FNBP1L: variants seen among roughly 807,000 people sequenced by gnomAD.
FNBP1L encodes formin binding protein 1 like, also known as formin-binding protein 1-like.
In FNBP1L, 36 loss-of-function variants were observed where a neutral mutation model predicts 91.2. That is an observed-to-expected ratio of 0.39 (90% CI 0.30 to 0.52). The LOEUF (loss-of-function observed/expected upper bound fraction) is 0.52. Ranked by LOEUF, FNBP1L falls within the 20% of genes least tolerant of loss-of-function variation. The probability of loss-of-function intolerance (pLI) is 0.66; values close to 1 mark genes in which losing one functional copy is unlikely to be tolerated. For missense variants in FNBP1L, 571 were observed against 732.1 expected (o/e 0.78, Z 2.54); for synonymous variants, 242 against 237.0 (o/e 1.02, Z -0.19).
At chr1:93,468,462 G>C (rs1242865103) in intron 1 of FNBP1L, among the ~76,000 whole-genome samples, 1 of 152,050 alleles carries the variant, frequency 6.6e-6, no homozygotes, top group Non-Finnish European at 1.5e-5. Context: ...ACAGGGTCTC[G>C]CTCTGTCATC....
rs72721015 is a variant in FNBP1L, at chr1:93,475,648, T to G, written c.25-23820T>G. Among the ~76,000 whole-genome samples, 1,476 of 152,278 alleles carry G rather than the reference T, an allele frequency of 9.7e-3. 26 individuals are homozygous for G. Among genetic ancestry groups the G allele is most frequent in the Non-Finnish European group, 0.011 (772 of 68,034 alleles). On this transcript the variant is annotated intron_variant, in intron 1 of 16. Coordinates refer to ENST00000271234, the MANE Select transcript of FNBP1L (RefSeq NM_001164473.3). ...GCCAATCATCACATTTCATGAAATA[T>G]TTTGCATAAGTGTAAATGTTAGATA...
rs1361772516 is a variant in FNBP1L, at chr1:93,524,242, C to A, written c.343-19C>A. The A allele has an allele frequency of 1.4e-6, 2 of 1,434,310 alleles. No homozygotes were observed. The highest frequency in any genetic ancestry group is 3.0e-5 in the Admixed American group (1 of 33,248). 88.8% of individuals were successfully genotyped at this position (1,434,310 alleles called of 1,614,324 possible). On this transcript the variant is annotated intron_variant, in intron 4 of 16. Coordinates refer to ENST00000271234, the MANE Select transcript of FNBP1L (RefSeq NM_001164473.3). ...TATTTTTTATTTTTATTTTTTTTGG[C>A]CGTGGTTATAATCTTCAGCATCTGC... is the stretch of plus-strand genomic sequence containing the variant.
intron 5 of FNBP1L, among the ~76,000 whole-genome samples, chr1:93,528,177 A>C (rs1353852753): frequency 6.6e-6 from 1 of 152,114 alleles, no homozygotes; most frequent in Non-Finnish European, 1.5e-5. Context: ...TAACTCAAGA[A>C]AGTTTTCCCA....
Position 93,552,470 on chromosome 1 carries a change from T to G in FNBP1L, c.*54T>G. The G allele has an allele frequency of 1.2e-6, 2 of 1,604,976 alleles. No individual in the cohort carries two copies. The highest frequency in any genetic ancestry group is 1.7e-6 in the Non-Finnish European group (2 of 1,174,328). Reference sequence around the variant, plus strand: ...GTTGAAGGAGGTTACATGCAGCTGCTTTTGGGGGAGGGTATTAGAGTTGTC... The same window carrying G: ...GTTGAAGGAGGTTACATGCAGCTGCGTTTGGGGGAGGGTATTAGAGTTGTC... On this transcript the variant is annotated 3_prime_UTR_variant, in exon 17 of 17. Transcript: ENST00000271234.
At position 93,504,069 on chromosome 1, in the gene FNBP1L, G is replaced by C. The variant is rs1352266067; in HGVS notation, c.140+4486G>C. 3.3e-5 allele frequency among the ~76,000 whole-genome samples: 5 copies of C among 152,154 alleles called. No individual in the cohort carries two copies. The East Asian group carries it at 9.6e-4, about 29-fold the overall frequency. ...ACATCTCTGAATTCCTTTGATCAGA[G>C]ATTATATTATGTGCATTTCTCTACC... On this transcript the variant is annotated intron_variant, in intron 2 of 16. Transcript: ENST00000271234.
Position 93,544,026 on chromosome 1 carries a change from ATTC to A in FNBP1L, c.1165-78_1165-76del, listed in dbSNP as rs569773643. 7.5e-4 allele frequency: 735 copies of A among 985,926 alleles called. 8 individuals are homozygous for A. In the African/African-American group the frequency reaches 0.012, roughly 16 times the overall value. 61.1% of individuals were successfully genotyped at this position (985,926 alleles called of 1,614,324 possible). A position where few individuals can be genotyped will look rare whatever the true frequency, so the allele number is the denominator to read the frequency against. On this transcript the variant is annotated intron_variant, in intron 11 of 16. Transcript: ENST00000271234. ...GAAATTAAACTTAAGATTGGTATGTATTCTTATTTTATAGCAGGTATATTTTAA... is the reference window on the plus strand; with the variant it reads ...GAAATTAAACTTAAGATTGGTATGTATTATTTTATAGCAGGTATATTTTAA...
intron 1 of FNBP1L, among the ~76,000 whole-genome samples, chr1:93,496,317 C>T (rs926055998): frequency 1.3e-5 from 2 of 151,314 alleles, no homozygotes; most frequent in Admixed American, 6.6e-5. Context: ...TGCAGTGACA[C>T]AGTCACAGCT....
At chr1:93,470,015 T>C (rs1481826406) in intron 1 of FNBP1L, among the ~76,000 whole-genome samples, 1 of 152,130 alleles carries the variant, frequency 6.6e-6, no homozygotes, top group Non-Finnish European at 1.5e-5. Context: ...AAGTACCATA[T>C]TTGTCCTTGA....
At chr1:93,499,706 G>T (rs1022384448) in intron 2 of FNBP1L, 123 bp downstream of exon 2, 1 of 624,308 alleles carries the variant, frequency 1.6e-6, no homozygotes, top group African/African-American at 1.9e-5. Flanking sequence ...ATTGAATTAG[G>T]TAACCGGTTT....
intron 1 of FNBP1L, among the ~76,000 whole-genome samples, chr1:93,474,728 G>C (rs1443448640): frequency 6.6e-6 from 1 of 152,196 alleles, no homozygotes; most frequent in Non-Finnish European, 1.5e-5. Flanking sequence ...GAGGTTCAGG[G>C]AAAGAATGAT....
intron 2 of FNBP1L, among the ~76,000 whole-genome samples, chr1:93,505,764 C>G (rs933382789): frequency 3.9e-5 from 6 of 152,310 alleles, no homozygotes; most frequent in African/African-American, 1.2e-4. Context: ...GGAACCTCTA[C>G]TTTACTTTTT....
chr1:93,532,083 A>G (rs1671694500), intron 7 of FNBP1L, among the ~76,000 whole-genome samples: 1 of 152,114 alleles, frequency 6.6e-6, no homozygotes. Context: ...TGTACACTGC[A>G]GTAGGTCTGG....
In FNBP1L at chr1:93,500,581, C is replaced by T. The variant is rs550870275; in HGVS notation, c.140+998C>T. 3.3e-5 allele frequency among the ~76,000 whole-genome samples: 5 copies of T among 152,248 alleles called. 1 individual carries two copies. In the South Asian group the frequency reaches 1.0e-3, roughly 32 times the overall value. ...ATACTAGCAGAGGGTCTCCTTTAGT[C>T]ATACTGACTTTGGTTAGGTTATGTG... On this transcript the variant is annotated intron_variant, in intron 2 of 16. Transcript: ENST00000271234.
chr1:93,452,104 TTATA>T (rs1199482439), intron 1 of FNBP1L, among the ~76,000 whole-genome samples: 2 of 152,196 alleles, frequency 1.3e-5, no homozygotes, highest in Non-Finnish European at 2.9e-5. Context: ...TCATAACACT[TTATA>T]TAGCACTTAA....
intron 10 of FNBP1L, among the ~76,000 whole-genome samples, chr1:93,539,659 G>A (rs1671963345): frequency 6.6e-6 from 1 of 152,024 alleles, no homozygotes; most frequent in Non-Finnish European, 1.5e-5. Flanking sequence ...CAAATATTTT[G>A]TTGCTTGTCC....
intron 10 of FNBP1L, among the ~76,000 whole-genome samples, chr1:93,539,293 CTT>C (rs1671947113): frequency 1.3e-5 from 2 of 151,892 alleles, no homozygotes; most frequent in African/African-American, 4.8e-5. Flanking sequence ...TTTTAGCTCT[CTT>C]GTGTTTATTA....
intron 9 of FNBP1L, 39 bp downstream of exon 9, chr1:93,534,947 G>A: frequency 6.6e-7 from 1 of 1,506,908 alleles, no homozygotes; most frequent in Non-Finnish European, 9.0e-7. Context: ...ATCAGTTTAA[G>A]TGTACCAACT....
intron 1 of FNBP1L, among the ~76,000 whole-genome samples, chr1:93,488,158 A>G (rs550476367): frequency 5.3e-5 from 8 of 152,196 alleles, no homozygotes; most frequent in African/African-American, 1.7e-4. Context: ...AATCTTAACC[A>G]CTTTTCACTA....
intron 16 of FNBP1L, chr1:93,552,037 A>C: frequency 9.8e-7 from 1 of 1,021,434 alleles, no homozygotes; most frequent in Non-Finnish European, 1.2e-6. Flanking sequence ...CTTTTTGACT[A>C]TCTGGGTTAG....
Sources: allele counts gnomAD v4.1 joint callset (sites outside exome capture counted in the v4.1 genomes callset), GRCh38; gene constraint gnomAD v4.1.1; transcripts MANE v1.5; gene names NCBI Gene and HGNC (gene_info 2026-07-23, HGNC 2026-07-21).